Variants in RC3H1 observed in about 807,000 individuals in gnomAD.
RC3H1 encodes ring finger and CCCH-type domains 1, also known as roquin-1.
In RC3H1, 50 loss-of-function variants were observed where a neutral mutation model predicts 138.2. That is an observed-to-expected ratio of 0.36 (90% CI 0.29 to 0.46). The LOEUF (loss-of-function observed/expected upper bound fraction) is 0.46. Among genes scored for constraint, RC3H1 ranks in the 20% least tolerant of loss-of-function variants. RC3H1 has a pLI of 1.00. For missense variants in RC3H1, 1,031 were observed against 1,388.1 expected (o/e 0.74, Z 4.09); for synonymous variants, 462 against 489.1 (o/e 0.94, Z 0.73).
intron 8 of RC3H1, among the ~76,000 whole-genome samples, chr1:173,970,935 T>C (rs1355866698): frequency 1.3e-5 from 2 of 151,328 alleles, no homozygotes; most frequent in Non-Finnish European, 2.9e-5. Context: ...AAAAAGCTCA[T>C]GGGGACACTA....
intron 7 of RC3H1, among the ~76,000 whole-genome samples, chr1:173,973,459 C>T (rs1272159158): frequency 6.6e-6 from 1 of 151,538 alleles, no homozygotes; most frequent in Non-Finnish European, 1.5e-5. Flanking sequence ...TCGCTTGAAC[C>T]CGGGAGGCGG....
chr1:174,011,880 C>T (rs1661775577), intron 1 of RC3H1, among the ~76,000 whole-genome samples: 1 of 152,046 alleles, frequency 6.6e-6, no homozygotes, highest in South Asian at 2.1e-4. Context: ...CCTTTAACAA[C>T]CAATTCGTAT....
chr1:173,972,293 G>A (rs905250303), intron 8 of RC3H1, among the ~76,000 whole-genome samples: 5 of 152,074 alleles, frequency 3.3e-5, no homozygotes, highest in Non-Finnish European at 7.4e-5. Context: ...GATCAATAAG[G>A]ATTATTTAAT....
intron 9 of RC3H1, 58 bp from the exon 10 acceptor site, chr1:173,965,178 T>A: frequency 7.2e-7 from 1 of 1,393,560 alleles, no homozygotes; most frequent in Non-Finnish European, 9.8e-7. Flanking sequence ...AACCAAGAAC[T>A]AAAATGTACT....
At chr1:173,962,654 T>TTCA (rs1486289939) in intron 11 of RC3H1, among the ~76,000 whole-genome samples, 2 of 152,208 alleles carry the variant, frequency 1.3e-5, no homozygotes, top group African/African-American at 4.8e-5. Flanking sequence ...CTACTGCTTC[T>TTCA]TCATTGTAAC....
Position 173,964,225 on chromosome 1 carries a change from C to T in RC3H1, c.1617-38G>A. 5 of 1,467,594 alleles carry T rather than the reference C, an allele frequency of 3.4e-6. No homozygotes were observed. The South Asian group carries it at 4.6e-5, about 13-fold the overall frequency. The allele number at this position is 1,467,594 out of a possible 1,614,324, so 90.9% of individuals were successfully genotyped here. A position where few individuals can be genotyped will look rare whatever the true frequency, so the allele number is the denominator to read the frequency against. ...TATTATGGAAGTTGTTTAAAAAATACTTCTCATGTGCATAAATTGTTACAA... is the reference window on the plus strand; with the variant it reads ...TATTATGGAAGTTGTTTAAAAAATATTTCTCATGTGCATAAATTGTTACAA... On this transcript the variant is annotated intron_variant, in intron 10 of 19. Transcript: ENST00000367696.
intron 1 of RC3H1, among the ~76,000 whole-genome samples, chr1:174,021,496 T>G (rs941588597): frequency 3.4e-4 from 52 of 152,072 alleles, no homozygotes; most frequent in African/African-American, 1.2e-3. Flanking sequence ...TTTTGTTTTT[T>G]TTTTTTAAAG....
At chr1:173,952,177 A>G (rs1159747031) in intron 13 of RC3H1, 39 bp from the exon 14 acceptor site, 3 of 1,431,638 alleles carry the variant, frequency 2.1e-6, no homozygotes, top group East Asian at 4.8e-5. Context: ...AAAAAAAAAA[A>G]GAGAAAGAAA....
At chr1:173,950,628 T>C (rs1280577350) in intron 14 of RC3H1, among the ~76,000 whole-genome samples, 1 of 151,766 alleles carries the variant, frequency 6.6e-6, no homozygotes, top group Non-Finnish European at 1.5e-5. Flanking sequence ...AAACTCAGGA[T>C]AGAGATTACT....
At chr1:173,951,547 T>A (rs962560218) in intron 14 of RC3H1, among the ~76,000 whole-genome samples, 32 of 144,414 alleles carry the variant, frequency 2.2e-4, no homozygotes, top group Admixed American at 8.8e-4. Context: ...GAAAAAAAAA[T>A]TTTTTTTTTT....
At chr1:173,999,346 C>T (rs1218249054) in intron 1 of RC3H1, among the ~76,000 whole-genome samples, 2 of 149,638 alleles carry the variant, frequency 1.3e-5, no homozygotes, top group Non-Finnish European at 2.9e-5. Flanking sequence ...TGCCATTGCA[C>T]TCCAGCCTGG....
rs1365590014 is a variant in RC3H1 at position 173,936,647 on chromosome 1, T to G, written c.*2074A>C. 1.4e-5 allele frequency: 2 copies of G among 139,286 alleles called. No homozygotes were observed. Among genetic ancestry groups the G allele is most frequent in the African/African-American group, 5.3e-5 (2 of 37,568 alleles). 8.6% of individuals were successfully genotyped at this position (139,286 alleles called of 1,614,324 possible). A position where few individuals can be genotyped will look rare whatever the true frequency, so the allele number is the denominator to read the frequency against. Reference sequence around the variant, plus strand: ...TTTCTTTCCTTCTCCCAATAAACAATAGGCATTTAAAGTGGAAATGTAAAA... The same window carrying G: ...TTTCTTTCCTTCTCCCAATAAACAAGAGGCATTTAAAGTGGAAATGTAAAA... On this transcript the variant is annotated 3_prime_UTR_variant, in exon 20 of 20. Transcript: ENST00000367696.
Position 173,992,881 on chromosome 1 carries a change from A to G in RC3H1, c.105T>C (p.His35=). The change falls in exon 2 of 20, where the codon CAT becomes CAC. Residue 35 remains histidine (H), a synonymous_variant. Coordinates refer to ENST00000367696, the MANE Select transcript of RC3H1 (RefSeq NM_172071.4). ...IRKPISLGCG[H]TVCKMCLNKL... Reference sequence around the variant, plus strand: ...TATTCAGGCACATCTTGCAGACAGTATGGCCACAACCCAAACTGATGGGCT... The same window carrying G: ...TATTCAGGCACATCTTGCAGACAGTGTGGCCACAACCCAAACTGATGGGCT... 3.7e-6 allele frequency: 6 copies of G among 1,614,162 alleles called. No individual in the cohort carries two copies. Among genetic ancestry groups the G allele is most frequent in the Non-Finnish European group, 5.1e-6 (6 of 1,180,014 alleles).
intron 14 of RC3H1, among the ~76,000 whole-genome samples, chr1:173,949,525 T>C (rs903007660): frequency 9.2e-5 from 14 of 152,064 alleles, no homozygotes; most frequent in African/African-American, 3.1e-4. Context: ...CCTGCTACCA[T>C]GCCCAGCTAA....
chr1:173,938,968 T>C (rs1345217742), intron 19 of RC3H1, 97 bp from the exon 20 acceptor site: 3 of 929,828 alleles, frequency 3.2e-6, no homozygotes, highest in African/African-American at 1.7e-5. Flanking sequence ...TGAAAATATA[T>C]AAATGGCTTC....
chr1:173,975,599 T>C lies in RC3H1; in HGVS notation c.1102+2889A>G, dbSNP rs115389991. ...AAATAATTATGAACCTCAGAACTGA[T>C]AAAAATACAGTAAATTTGGCCGGGC... On this transcript the variant is annotated intron_variant, in intron 7 of 19. Transcript: ENST00000367696. Among the ~76,000 whole-genome samples, 209 of 142,802 alleles carry C rather than the reference T, an allele frequency of 1.5e-3. 24 individuals are homozygous for C. Among genetic ancestry groups the C allele is most frequent in the African/African-American group, 5.1e-3 (181 of 35,620 alleles). 93.7% of individuals were successfully genotyped at this position (142,802 alleles called of 152,430 possible). A position where few individuals can be genotyped will look rare whatever the true frequency, so the allele number is the denominator to read the frequency against.
chr1:173,972,604 G>C lies in RC3H1; in HGVS notation c.1126C>G (p.Gln376Glu), dbSNP rs757174909. 1 of 1,613,436 alleles carries C rather than the reference G, an allele frequency of 6.2e-7. No homozygotes were observed. The highest frequency in any genetic ancestry group is 1.1e-5 in the South Asian group (1 of 91,058). The change falls in exon 8 of 20, where the codon CAG becomes GAG. Residue 376 changes from glutamine to glutamate, a missense_variant. Coordinates refer to ENST00000367696, the MANE Select transcript of RC3H1 (RefSeq NM_172071.4). ...ACAGCAACCAGCCCATTTTCCAGCT[G>C]TTCCCAAGTAGGAGGAGGAGCATCT... ...SPDAPPPTWE[Q>E]LENGLVAVRT... is the part of the protein sequence containing the mutation.
intron 14 of RC3H1, among the ~76,000 whole-genome samples, chr1:173,951,140 C>T (rs534273036): frequency 6.6e-6 from 1 of 152,226 alleles, no homozygotes; most frequent in South Asian, 2.1e-4. Flanking sequence ...GCCTGACCAA[C>T]ATGGAGAAAC....
intron 9 of RC3H1, among the ~76,000 whole-genome samples, chr1:173,966,131 C>A (rs538253081): frequency 6.6e-6 from 1 of 152,052 alleles, no homozygotes; most frequent in African/African-American, 2.4e-5. Context: ...CACAGTGAGA[C>A]CCTGTTTCAA....
Sources: gnomAD v4.1 joint callset for allele counts (sites outside exome capture counted in the v4.1 genomes callset) on GRCh38, gnomAD v4.1.1 for gene constraint, MANE v1.5 for transcripts, NCBI Gene and HGNC (gene_info 2026-07-23, HGNC 2026-07-21) for gene names.